Variants in AFG3L2 observed in about 807,000 individuals in gnomAD.
The protein encoded by AFG3L2 is AFG3 like matrix AAA peptidase subunit 2.
AFG3L2 carries 54 observed loss-of-function variants against 94.5 expected under a neutral mutation model. The ratio of observed to expected loss-of-function variants is 0.57; its 90% CI spans 0.46 to 0.72. The LOEUF is 0.72. AFG3L2 is among the 30% of genes least tolerant of loss of function. The pLI is 0.00. For missense variants in AFG3L2, 754 were observed against 994.9 expected, an observed-to-expected ratio of 0.76 and a Z score of 3.26; for synonymous variants, 377 against 365.5, an observed-to-expected ratio of 1.03 and a Z score of -0.36.
At chr18:12,342,384 T>C (rs570649604) in intron 14 of AFG3L2, 1 of 152,240 alleles carries the variant, frequency 6.6e-6, no homozygotes, top group Non-Finnish European at 1.5e-5. Flanking sequence ...CTTTCGCCCA[T>C]TGTTTTACTG....
chr18:12,344,992 G>A (rs749774300), intron 13 of AFG3L2, among the ~76,000 whole-genome samples: 2 of 152,196 alleles, frequency 1.3e-5, no homozygotes, highest in South Asian at 2.1e-4. Flanking sequence ...TCAAATACTG[G>A]GCACGCGAAG....
intron 9 of AFG3L2, among the ~76,000 whole-genome samples, chr18:12,354,989 G>T (rs1908445248): frequency 6.6e-6 from 1 of 152,060 alleles, no homozygotes; most frequent in Admixed American, 6.6e-5. Context: ...GCAAGGCAGG[G>T]GGTGCATCAC....
intron 15 of AFG3L2, among the ~76,000 whole-genome samples, chr18:12,339,868 A>G (rs1201363107): frequency 2.0e-5 from 3 of 150,514 alleles, no homozygotes; most frequent in African/African-American, 7.3e-5. Context: ...AAAAAAAAAA[A>G]AATTAGCCAC....
In AFG3L2 at chr18:12,359,908, A is replaced by C. The variant is rs757300756; in HGVS notation, c.752+19T>G. 8 of 1,612,260 alleles carry C rather than the reference A, an allele frequency of 5.0e-6. No individual in the cohort carries two copies. The highest frequency in any genetic ancestry group is 6.8e-6 in the Non-Finnish European group (8 of 1,179,872). ...GGCAGCACAGTCAACAGTCTACAAA[A>C]TATTATATTTGAGATTACCCATCAC... On this transcript the variant is annotated intron_variant, in intron 7 of 16. Coordinates refer to ENST00000269143, the MANE Select transcript of AFG3L2 (RefSeq NM_006796.3).
chr18:12,333,729 A>G (rs1289198226), intron 16 of AFG3L2, among the ~76,000 whole-genome samples: 1 of 152,094 alleles, frequency 6.6e-6, no homozygotes, highest in Non-Finnish European at 1.5e-5. Flanking sequence ...TCCTTTCTTC[A>G]TGCTGAATCT....
rs146182382 is a variant in AFG3L2 at position 12,367,061 on chromosome 18, C to A, written c.456G>T (p.Leu152=). ...AGTAAAACATGACTCCACCCCAGAA[C>A]AGAGCAGTCCAGAGGAAGAACATCC... is the stretch of plus-strand genomic sequence containing the variant. ...DFRMFFLWTA[L]FWGGVMFYLL... The change falls in exon 5 of 17, where the codon CTG becomes CTT. Residue 152 remains leucine (L), a synonymous_variant. Coordinates refer to ENST00000269143, the MANE Select transcript of AFG3L2 (RefSeq NM_006796.3). 6.8e-6 allele frequency: 11 copies of A among 1,614,116 alleles called. No individual in the cohort carries two copies. In the African/African-American group the frequency reaches 1.1e-4, roughly 16 times the overall value.
intron 4 of AFG3L2, 38 bp downstream of exon 4, chr18:12,367,235 CCAT>C: frequency 6.2e-7 from 1 of 1,613,420 alleles, no homozygotes; most frequent in Non-Finnish European, 8.5e-7. Flanking sequence ...CTCTGGGCCA[CCAT>C]CATAACCTCA....
intron 2 of AFG3L2, among the ~76,000 whole-genome samples, chr18:12,371,312 C>A (rs1236376129): frequency 7.0e-6 from 1 of 142,968 alleles, no homozygotes; most frequent in African/African-American, 2.6e-5. Context: ...CAAACTCAGT[C>A]TCCAAAAAAA....
At chr18:12,364,663 T>C (rs1017151431) in intron 5 of AFG3L2, among the ~76,000 whole-genome samples, 2 of 152,028 alleles carry the variant, frequency 1.3e-5, no homozygotes, top group African/African-American at 4.8e-5. Context: ...AATCACCTAG[T>C]TATATAGGAT....
intron 6 of AFG3L2, among the ~76,000 whole-genome samples, chr18:12,363,217 C>A (rs956626026): frequency 6.6e-6 from 1 of 152,168 alleles, no homozygotes; most frequent in African/African-American, 2.4e-5. Flanking sequence ...GGAGCCTCAG[C>A]TTCACCTCTC....
chr18:12,376,881 G>A (rs1454568477), intron 1 of AFG3L2, 88 bp downstream of exon 1: 12 of 1,057,542 alleles, frequency 1.1e-5, no homozygotes, highest in Non-Finnish European at 1.4e-5. Flanking sequence ...CCGGAGGGCG[G>A]GGGCCAGTGA....
At chr18:12,349,659 GTTTTTA>G (rs777265001) in intron 12 of AFG3L2, among the ~76,000 whole-genome samples, 2,009 of 149,154 alleles carry the variant, frequency 0.013, 39 homozygotes, top group African/African-American at 0.048. Context: ...AAGACCACAT[GTTTTTA>G]TTTTTATTTT....
At chr18:12,370,736 G>C (rs932836860) in intron 3 of AFG3L2, 113 bp downstream of exon 3, 2 of 758,884 alleles carry the variant, frequency 2.6e-6, no homozygotes, top group African/African-American at 1.8e-5. Flanking sequence ...TGGGATTACA[G>C]GCGTGAGACA....
chr18:12,331,808 AATATATATATATATATATATATAT>A (rs35558132), intron 16 of AFG3L2, among the ~76,000 whole-genome samples: 4 of 146,348 alleles, frequency 2.7e-5, no homozygotes, highest in African/African-American at 1.1e-4. Context: ...TAAATAAATA[AATATATATATATATATATATATAT>A]ATATATATAT....
chr18:12,343,086 C>T (rs1038216863), intron 14 of AFG3L2: 2 of 152,084 alleles, frequency 1.3e-5, no homozygotes, highest in Non-Finnish European at 2.9e-5. Flanking sequence ...TGTAACACTC[C>T]ATGAGCAAAG....
chr18:12,351,549 G>GTTTTTT, intron 10 of AFG3L2, 136 bp from the exon 11 acceptor site: 1 of 615,128 alleles, frequency 1.6e-6, no homozygotes, highest in Non-Finnish European at 2.8e-6. Flanking sequence ...AGTGTTTTTT[G>GTTTTTT]TTTTTTTTTT....
At chr18:12,367,452 A>G in intron 3 of AFG3L2, 70 bp from the exon 4 acceptor site, 1 of 1,391,454 alleles carries the variant, frequency 7.2e-7, no homozygotes, top group East Asian at 2.3e-5. Context: ...GTCTTCATGT[A>G]TACGGTTTAA....
chr18:12,361,117 T>C lies in AFG3L2; in HGVS notation c.628-1066A>G, dbSNP rs149692999. The stretch of plus-strand genomic sequence containing the variant: ...AGAGGCTGGGCACAGTGGCCAGTAA[T>C]CCCAGCACTTTGGGAAGCCCAGGTG... On this transcript the variant is annotated intron_variant, in intron 6 of 16. Coordinates refer to ENST00000269143, the MANE Select transcript of AFG3L2 (RefSeq NM_006796.3). Among the ~76,000 whole-genome samples, 272 of 152,318 alleles carry C rather than the reference T, an allele frequency of 1.8e-3. 1 individual carries two copies. Among genetic ancestry groups the C allele is most frequent in the African/African-American group, 6.0e-3 (250 of 41,568 alleles).
At chr18:12,365,408 C>A (rs1250245121) in intron 5 of AFG3L2, among the ~76,000 whole-genome samples, 1 of 152,206 alleles carries the variant, frequency 6.6e-6, no homozygotes, top group Non-Finnish European at 1.5e-5. Context: ...GAGAATTACA[C>A]ATATAAGATC....
Sources: gnomAD v4.1 joint callset for allele counts (sites outside exome capture counted in the v4.1 genomes callset) on GRCh38, gnomAD v4.1.1 for gene constraint, MANE v1.5 for transcripts, NCBI Gene and HGNC (gene_info 2026-07-23, HGNC 2026-07-21) for gene names.